TRIM36: variants seen among roughly 807,000 people sequenced by gnomAD.
The protein encoded by TRIM36 is tripartite motif containing 36.
A neutral mutation model predicts 72.4 loss-of-function variants in TRIM36; 42 were observed. The ratio of observed to expected loss-of-function variants is 0.58; its 90% CI spans 0.45 to 0.75. The LOEUF (loss-of-function observed/expected upper bound fraction) is 0.75, where lower values mean the gene tolerates loss of function less well. TRIM36 is among the 30% of genes least tolerant of loss of function. The pLI, the probability that TRIM36 is intolerant of heterozygous loss-of-function variation, is 0.00. For synonymous variants in TRIM36, 315 were observed against 282.8 expected, an observed-to-expected ratio of 1.11 and a Z score of -1.14; for missense variants, 913 against 857.1, an observed-to-expected ratio of 1.07 and a Z score of -0.81.
chr5:115,161,549 G>C lies in TRIM36; in HGVS notation c.262+1969C>G, dbSNP rs546636451. 1.4e-4 allele frequency among the ~76,000 whole-genome samples: 22 copies of C among 152,294 alleles called. No homozygotes were observed. In the South Asian group the frequency reaches 4.6e-3, roughly 32 times the overall value. ...CTGGTGTGGTATTGTTAAATAATCT[G>C]AATTGAAAATATTTAAAAAACAGAT... On this transcript the variant is annotated intron_variant, in intron 2 of 9. Coordinates refer to ENST00000513154, the MANE Select transcript of TRIM36 (RefSeq NM_001300759.2).
chr5:115,141,041 A>AT (rs1168669922), intron 5 of TRIM36, among the ~76,000 whole-genome samples: 1 of 152,114 alleles, frequency 6.6e-6, no homozygotes, highest in East Asian at 1.9e-4. Flanking sequence ...ACAAATAGTC[A>AT]TTTTTTCCCT....
rs200194772 is a variant in TRIM36, at chr5:115,147,352, G to A, written c.305C>T (p.Pro102Leu). 1.2e-6 allele frequency: 2 copies of A among 1,613,782 alleles called. No individual in the cohort carries two copies. The highest frequency in any genetic ancestry group is 1.7e-6 in the Non-Finnish European group (2 of 1,179,626). The change falls in exon 3 of 10, where the codon CCT becomes CTT. Residue 102 changes from proline to leucine, a missense_variant. Pro to Leu is a moderately conservative substitution (Grantham distance 98, BLOSUM62 -3). Transcript: ENST00000513154. ...NSLTPRTTVF[P>L]CPGCEHDVDL... ...CACATCATGCTCACAGCCAGGGCAA[G>A]GGAAAACAGTTGTCCTCGGGGTCAA...
intron 2 of TRIM36, among the ~76,000 whole-genome samples, chr5:115,153,234 G>A (rs1241686310): frequency 1.3e-5 from 2 of 152,070 alleles, no homozygotes; most frequent in Admixed American, 6.6e-5. Context: ...AGCAGGAGTA[G>A]GTATTCTTAT....
intron 2 of TRIM36, among the ~76,000 whole-genome samples, chr5:115,160,752 A>T (rs780172363): frequency 7.9e-5 from 12 of 152,196 alleles, no homozygotes; most frequent in Non-Finnish European, 1.6e-4. Flanking sequence ...AGGCTGAGGC[A>T]GGAGGATCAC....
upstream of TRIM36, chr5:115,171,261 A>G (rs758813334): frequency 3.7e-6 from 6 of 1,611,476 alleles, no homozygotes; most frequent in East Asian, 2.2e-5. Context: ...CTGAGGGACT[A>G]TAGCAATTTT....
At chr5:115,133,106 T>C (rs1752777498) in intron 8 of TRIM36, among the ~76,000 whole-genome samples, 1 of 152,176 alleles carries the variant, frequency 6.6e-6, no homozygotes, top group Non-Finnish European at 1.5e-5. Context: ...ACAGTGGACC[T>C]AAAATCCAAT....
At chr5:115,154,306 A>C (rs1220409642) in intron 2 of TRIM36, among the ~76,000 whole-genome samples, 2 of 151,906 alleles carry the variant, frequency 1.3e-5, no homozygotes, top group Admixed American at 1.3e-4. Context: ...CCAAACCCAA[A>C]CCTAGCAGAA....
intron 2 of TRIM36, among the ~76,000 whole-genome samples, chr5:115,157,670 C>T (rs753865363): frequency 6.6e-6 from 1 of 152,116 alleles, no homozygotes; most frequent in Non-Finnish European, 1.5e-5. Flanking sequence ...GATACTTGCA[C>T]ACATATGTTT....
intron 5 of TRIM36, among the ~76,000 whole-genome samples, chr5:115,138,219 C>T (rs559619898): frequency 3.3e-5 from 5 of 152,252 alleles, no homozygotes; most frequent in South Asian, 2.1e-4. Flanking sequence ...CCTGCCTCAG[C>T]CTCCCAAGTA....
intron 1 of TRIM36, among the ~76,000 whole-genome samples, chr5:115,168,533 C>T (rs1754911655): frequency 6.6e-6 from 1 of 152,216 alleles, no homozygotes; most frequent in African/African-American, 2.4e-5. Flanking sequence ...AACCTATTCT[C>T]CCTAAAGTGA....
rs772750943 is a variant in TRIM36, at chr5:115,137,313, T to G, written c.1085+50A>C. On this transcript the variant is annotated intron_variant, in intron 6 of 9. Coordinates refer to ENST00000513154, the MANE Select transcript of TRIM36 (RefSeq NM_001300759.2). ...GCTAAAGTGAGAATACACAGCAGCA[T>G]TTAATAACATTGCTCAATAGGTTCT... 2.6e-6 allele frequency: 4 copies of G among 1,558,726 alleles called. No homozygotes were observed. The Admixed American group carries it at 7.7e-5, about 30-fold the overall frequency.
intron 1 of TRIM36, among the ~76,000 whole-genome samples, chr5:115,167,940 C>T (rs1178681576): frequency 6.6e-6 from 1 of 152,144 alleles, no homozygotes; most frequent in Non-Finnish European, 1.5e-5. Flanking sequence ...AGGAAACTTA[C>T]AAATATGGCA....
intron 2 of TRIM36, chr5:115,148,274 AT>A (rs1391557995): frequency 3.3e-6 from 3 of 907,772 alleles, no homozygotes; most frequent in East Asian, 1.2e-4. Flanking sequence ...TAAACATCAC[AT>A]TTTTGTTCAG....
intron 1 of TRIM36, among the ~76,000 whole-genome samples, chr5:115,179,232 A>G (rs1486050904): frequency 6.6e-6 from 1 of 152,168 alleles, no homozygotes; most frequent in Non-Finnish European, 1.5e-5. Flanking sequence ...CGCGGAGCCC[A>G]GCCTCCCGCA....
upstream of TRIM36, among the ~76,000 whole-genome samples, chr5:115,171,447 A>G (rs1755113515): frequency 6.6e-6 from 1 of 152,198 alleles, no homozygotes; most frequent in Non-Finnish European, 1.5e-5. Context: ...GGAGGAGACT[A>G]ACAAATGCCT....
At chr5:115,154,782 T>C (rs1282914127) in intron 2 of TRIM36, among the ~76,000 whole-genome samples, 3 of 152,146 alleles carry the variant, frequency 2.0e-5, no homozygotes, top group Non-Finnish European at 4.4e-5. Context: ...ACTAATCATA[T>C]TGACACTATT....
intron 7 of TRIM36, among the ~76,000 whole-genome samples, chr5:115,135,518 G>T (rs1296721226): frequency 6.6e-6 from 1 of 150,496 alleles, no homozygotes; most frequent in Non-Finnish European, 1.5e-5. Context: ...ATGAGGGGAA[G>T]ATCCATCAGC....
chr5:115,160,576 G>T (rs1200244944), intron 2 of TRIM36, among the ~76,000 whole-genome samples: 2 of 152,114 alleles, frequency 1.3e-5, no homozygotes, highest in Non-Finnish European at 2.9e-5. Flanking sequence ...AGTGAATAAC[G>T]CCTGTAATCC....
In TRIM36 at chr5:115,169,870, G is replaced by A. The variant is rs1374737262; in HGVS notation, c.-236C>T. 3.1e-6 allele frequency: 4 copies of A among 1,304,854 alleles called. No individual in the cohort carries two copies. Among genetic ancestry groups the A allele is most frequent in the Non-Finnish European group, 3.9e-6 (4 of 1,025,986 alleles). 80.8% of individuals were successfully genotyped at this position (1,304,854 alleles called of 1,614,324 possible). ...TCCCAGCGACTACCCCGGGAATCCC[G>A]CCCAGCTGCCGGCTGCAGCAGCGGC... On this transcript the variant is annotated 5_prime_UTR_variant, in exon 1 of 10. Coordinates refer to ENST00000513154, the MANE Select transcript of TRIM36 (RefSeq NM_001300759.2).
Sources: allele counts gnomAD v4.1 joint callset (sites outside exome capture counted in the v4.1 genomes callset), GRCh38; gene constraint gnomAD v4.1.1; transcripts MANE v1.5; gene names NCBI Gene and HGNC (gene_info 2026-07-23, HGNC 2026-07-21).